Variants in PRSS23 observed in about 807,000 individuals in gnomAD.
The protein encoded by PRSS23 is protease, serine 23.
A neutral mutation model predicts 34.7 loss-of-function variants in PRSS23; 25 were observed. That is an observed-to-expected ratio of 0.72 (90% CI 0.53 to 1.01). The LOEUF is 1.01. Among genes scored for constraint, PRSS23 ranks in the 50% least tolerant of loss-of-function variants. The pLI, the probability that PRSS23 is intolerant of heterozygous loss-of-function variation, is 0.00. For synonymous variants in PRSS23, 176 were observed against 186.6 expected (o/e 0.94, Z 0.46); for missense variants, 445 against 475.6 (o/e 0.94, Z 0.60).
chr11:86,937,498 A>C (rs900144524), intron 2 of PRSS23: 1 of 152,196 alleles, frequency 6.6e-6, no homozygotes, highest in African/African-American at 2.4e-5. Context: ...GTCAGCCAAG[A>C]TACAGGTCAT....
At chr11:86,942,936 GA>G (rs1949215485) in intron 2 of PRSS23, among the ~76,000 whole-genome samples, 1 of 152,202 alleles carries the variant, frequency 6.6e-6, no homozygotes, top group Non-Finnish European at 1.5e-5. Context: ...CAGAACCTCT[GA>G]AAACAGGAGG....
rs941203262 is a variant in PRSS23, at chr11:86,835,901, A to G, written c.206+12308A>G. Among the ~76,000 whole-genome samples, 19 of 152,306 alleles carry G rather than the reference A, an allele frequency of 1.2e-4. No homozygotes were observed. In the East Asian group the frequency reaches 2.3e-3, roughly 19 times the overall value. ...TACCGAAGGACAAGAGTGTCCAGGT[A>G]TGAGAATTGGCTCAAGTTTTGGGCT... is the stretch of plus-strand genomic sequence containing the variant. On this transcript the variant is annotated intron_variant, in intron 2 of 2. Transcript: ENST00000533902.
chr11:86,841,940 G>A (rs952169734), intron 2 of PRSS23, among the ~76,000 whole-genome samples: 5 of 152,154 alleles, frequency 3.3e-5, no homozygotes, highest in African/African-American at 9.7e-5. Context: ...TATAAGACCA[G>A]GATCATCCTG....
Position 86,808,586 on chromosome 11 carries a change from G to A in PRSS23, c.943G>A (p.Ala315Thr). 5 of 1,614,204 alleles carry A rather than the reference G, an allele frequency of 3.1e-6. No individual in the cohort carries two copies. Among genetic ancestry groups the A allele is most frequent in the Non-Finnish European group, 4.2e-6 (5 of 1,180,042 alleles). ...LYQQCDAQPG[A>T]SGSGVYVRMW... ...CCAGCAATGCGATGCCCAGCCAGGG[G>A]CCAGCGGGTCTGGGGTCTATGTGAG... Residue 315 changes from alanine (A) to threonine (T), a missense_variant, in exon 2 of 2, where the codon GCC becomes ACC. Ala to Thr is a moderately conservative substitution (Grantham distance 58). Coordinates refer to ENST00000280258, the MANE Select transcript of PRSS23 (RefSeq NM_007173.6).
At chr11:86,857,573 A>C (rs530135916) in intron 2 of PRSS23, 37 of 485,454 alleles carry the variant, frequency 7.6e-5, no homozygotes, top group South Asian at 5.7e-4. Flanking sequence ...GGACACCAAA[A>C]CTAAGAAGAC....
At chr11:86,887,733 A>T (rs1037603988) in intron 2 of PRSS23, among the ~76,000 whole-genome samples, 1 of 152,170 alleles carries the variant, frequency 6.6e-6, no homozygotes, top group Non-Finnish European at 1.5e-5. Flanking sequence ...AGAGGCAGAC[A>T]CACACACTGA....
intron 2 of PRSS23, among the ~76,000 whole-genome samples, chr11:86,920,768 A>C (rs1478060848): frequency 6.6e-6 from 1 of 152,164 alleles, no homozygotes; most frequent in Non-Finnish European, 1.5e-5. Context: ...CTTTCCAAAA[A>C]TTCATGTTCT....
intron 2 of PRSS23, among the ~76,000 whole-genome samples, chr11:86,902,660 T>C (rs184050666): frequency 1.3e-5 from 2 of 152,326 alleles, no homozygotes. Flanking sequence ...CTACTACCTA[T>C]GTTTTTTCTA....
At chr11:86,851,970 G>C (rs1373252550) in intron 2 of PRSS23, among the ~76,000 whole-genome samples, 2 of 152,142 alleles carry the variant, frequency 1.3e-5, no homozygotes, top group African/African-American at 4.8e-5. Flanking sequence ...ACCAAGAACA[G>C]AAACTCCACA....
At chr11:86,803,589 C>T (rs1467068806) in intron 1 of PRSS23, among the ~76,000 whole-genome samples, 2 of 152,080 alleles carry the variant, frequency 1.3e-5, no homozygotes, top group African/African-American at 2.4e-5. Context: ...TTTATTAATG[C>T]GGATGAGTCA....
chr11:86,843,196 G>A (rs1948461310), intron 2 of PRSS23, among the ~76,000 whole-genome samples: 1 of 152,174 alleles, frequency 6.6e-6, no homozygotes, highest in South Asian at 2.1e-4. Flanking sequence ...AACAAATGGT[G>A]CTGGGAAAAC....
chr11:86,804,462 T>C (rs1200813040), intron 1 of PRSS23, among the ~76,000 whole-genome samples: 5 of 152,196 alleles, frequency 3.3e-5, no homozygotes, highest in African/African-American at 1.2e-4. Flanking sequence ...AGTTAGTAAA[T>C]AGGGTTTAGT....
In PRSS23 at chr11:86,810,463, A is replaced by C; in HGVS notation, c.*1668A>C. 6.0e-6 allele frequency: 1 copy of C among 167,206 alleles called. No individual in the cohort carries two copies. 10.4% of individuals were successfully genotyped at this position (167,206 alleles called of 1,614,324 possible). A position where few individuals can be genotyped will look rare whatever the true frequency, so the allele number is the denominator to read the frequency against. On this transcript the variant is annotated 3_prime_UTR_variant, in exon 2 of 2. Transcript: ENST00000280258. ...ATGAGAAATACTATGCATAGCAAGG[A>C]GATGCAGAGCCGCCAGGAAAATTCT... is the stretch of plus-strand genomic sequence containing the variant.
chr11:86,814,792 G>T (rs1349170854), downstream of PRSS23, among the ~76,000 whole-genome samples: 1 of 152,196 alleles, frequency 6.6e-6, no homozygotes, highest in Non-Finnish European at 1.5e-5. Context: ...CAAGAACCCA[G>T]GCATCAATGG....
chr11:86,860,988 C>A (rs1948609088), intron 2 of PRSS23, among the ~76,000 whole-genome samples: 1 of 151,230 alleles, frequency 6.6e-6, no homozygotes, highest in Non-Finnish European at 1.5e-5. Context: ...GATACTGTTC[C>A]TAATATCCAC....
intron 2 of PRSS23, among the ~76,000 whole-genome samples, chr11:86,893,144 G>A (rs1948852580): frequency 6.6e-6 from 1 of 152,144 alleles, no homozygotes; most frequent in Non-Finnish European, 1.5e-5. Context: ...GGGAATGCCA[G>A]GCTAATTCAC....
intron 2 of PRSS23, chr11:86,837,099 T>C (rs1948411916): frequency 1.3e-5 from 2 of 152,180 alleles, no homozygotes; most frequent in Non-Finnish European, 2.9e-5. Flanking sequence ...ATATAACAAA[T>C]TCATAATTGC....
chr11:86,834,147 C>G (rs1158246378), intron 2 of PRSS23, among the ~76,000 whole-genome samples: 1 of 152,320 alleles, frequency 6.6e-6, no homozygotes, highest in East Asian at 1.9e-4. Flanking sequence ...CTTTGGCACA[C>G]TTCACAGGCC....
intron 2 of PRSS23, chr11:86,832,680 A>AC (rs1263967211): frequency 1.6e-5 from 6 of 375,480 alleles, no homozygotes; most frequent in South Asian, 2.2e-5. Context: ...GAACTCAGGT[A>AC]CCCCCCAACG....
Sources: gnomAD v4.1 joint callset for allele counts (sites outside exome capture counted in the v4.1 genomes callset) on GRCh38, gnomAD v4.1.1 for gene constraint, MANE v1.5 for transcripts, NCBI Gene and HGNC (gene_info 2026-07-23, HGNC 2026-07-21) for gene names.